The following SEMA3E variants were observed in gnomAD, a reference collection of about 807,000 sequenced individuals.
SEMA3E encodes semaphorin 3E, also known as semaphorin-3E.
In SEMA3E, 49 loss-of-function variants were observed where a neutral mutation model predicts 93.6. The observed-to-expected ratio is 0.52, with a 90% confidence interval of 0.42 to 0.66. SEMA3E has a LOEUF of 0.66. SEMA3E is among the 30% of genes least tolerant of loss of function. The pLI is 0.00. For missense variants in SEMA3E, 906 were observed against 964.8 expected, an observed-to-expected ratio of 0.94 and a Z score of 0.81; for synonymous variants, 363 against 330.7, an observed-to-expected ratio of 1.10 and a Z score of -1.06.
At chr7:83,534,088 G>A (rs1791361016) in intron 1 of SEMA3E, among the ~76,000 whole-genome samples, 1 of 152,148 alleles carries the variant, frequency 6.6e-6, no homozygotes, top group African/African-American at 2.4e-5. Flanking sequence ...AAACTTTTTA[G>A]ACCATGCCCA....
intron 1 of SEMA3E, among the ~76,000 whole-genome samples, chr7:83,542,284 C>G (rs1055846614): frequency 2.6e-5 from 4 of 151,832 alleles, no homozygotes; most frequent in Non-Finnish European, 5.9e-5. Context: ...CACTGGAGCT[C>G]AAGAATTTGA....
rs181003466 is a variant in SEMA3E at position 83,625,203 on chromosome 7, T to A, written c.115+23225A>T. Among the ~76,000 whole-genome samples, 627 of 152,336 alleles carry A rather than the reference T, an allele frequency of 4.1e-3. 6 individuals are homozygous for A. Among genetic ancestry groups the A allele is most frequent in the African/African-American group, 0.015 (604 of 41,572 alleles). On this transcript the variant is annotated intron_variant, in intron 1 of 16. Transcript: ENST00000643230. The stretch of plus-strand genomic sequence containing the variant: ...TTTTTGCTTAGGATTGTCTTGGCTA[T>A]ATGGGCTCTTTTTGGTTCCATAACA...
chr7:83,508,579 A>G (rs1263324773), intron 1 of SEMA3E, among the ~76,000 whole-genome samples: 2 of 152,152 alleles, frequency 1.3e-5, no homozygotes, highest in African/African-American at 4.8e-5. Flanking sequence ...TTATTTTTCA[A>G]AGGCAAAATT....
At chr7:83,403,502 A>T (rs1252596343) in intron 9 of SEMA3E, among the ~76,000 whole-genome samples, 2 of 152,018 alleles carry the variant, frequency 1.3e-5, no homozygotes, top group African/African-American at 4.8e-5. Flanking sequence ...TTTATTGAAG[A>T]TATTTGTAAT....
intron 1 of SEMA3E, among the ~76,000 whole-genome samples, chr7:83,642,844 T>C (rs1336270926): frequency 6.6e-6 from 1 of 152,094 alleles, no homozygotes; most frequent in Non-Finnish European, 1.5e-5. Context: ...AGTTTTGTTT[T>C]TAACTCTCAG....
chr7:83,418,138 A>C (rs1365466826), intron 5 of SEMA3E, among the ~76,000 whole-genome samples: 1 of 152,218 alleles, frequency 6.6e-6, no homozygotes. Context: ...GACACCAAAT[A>C]CATGAGATAT....
At chr7:83,450,734 T>C (rs1789342333) in intron 4 of SEMA3E, among the ~76,000 whole-genome samples, 1 of 152,194 alleles carries the variant, frequency 6.6e-6, no homozygotes, top group African/African-American at 2.4e-5. Context: ...CTTTTCTTTA[T>C]TCATTTTATA....
intron 1 of SEMA3E, among the ~76,000 whole-genome samples, chr7:83,523,906 A>C (rs192862533): frequency 5.9e-5 from 9 of 152,244 alleles, no homozygotes; most frequent in Admixed American, 5.2e-4. Flanking sequence ...GCCTGGTAAC[A>C]GATATTTTTA....
At chr7:83,389,921 A>T (rs55922924) in intron 14 of SEMA3E, among the ~76,000 whole-genome samples, 1 of 126,278 alleles carries the variant, frequency 7.9e-6, no homozygotes, top group African/African-American at 3.0e-5. Flanking sequence ...ATACACGTAT[A>T]TATTACATGT....
intron 1 of SEMA3E, among the ~76,000 whole-genome samples, chr7:83,568,342 T>C (rs1792206727): frequency 6.6e-6 from 1 of 151,998 alleles, no homozygotes; most frequent in Non-Finnish European, 1.5e-5. Context: ...TCTGAAACAT[T>C]GAAGAGGAAG....
At chr7:83,509,737 T>C (rs1304276992) in intron 1 of SEMA3E, among the ~76,000 whole-genome samples, 1 of 152,218 alleles carries the variant, frequency 6.6e-6, no homozygotes, top group Non-Finnish European at 1.5e-5. Context: ...GAGTATGGCC[T>C]ATTTGATCTG....
At chr7:83,562,231 A>G (rs1218473330) in intron 1 of SEMA3E, among the ~76,000 whole-genome samples, 1 of 152,156 alleles carries the variant, frequency 6.6e-6, no homozygotes, top group African/African-American at 2.4e-5. Flanking sequence ...TTTTGGTTAC[A>G]GAGATACTTT....
At chr7:83,603,903 G>A (rs1054996275) in intron 1 of SEMA3E, among the ~76,000 whole-genome samples, 9 of 152,084 alleles carry the variant, frequency 5.9e-5, no homozygotes, top group Non-Finnish European at 4.4e-5. Flanking sequence ...TTACATGCGT[G>A]AGTGTTTTTT....
chr7:83,598,704 C>T (rs2115972722), intron 1 of SEMA3E, among the ~76,000 whole-genome samples: 1 of 152,294 alleles, frequency 6.6e-6, no homozygotes, highest in African/African-American at 2.4e-5. Flanking sequence ...ACCAAACGTT[C>T]ATAGTCAATT....
rs1367877741 is a variant in SEMA3E at position 83,386,977 on chromosome 7, G to A, written c.1735+6C>T. 1.9e-6 allele frequency: 3 copies of A among 1,612,006 alleles called. No homozygotes were observed. The African/African-American group carries it at 4.0e-5, about 22-fold the overall frequency. ...AACCCAGAACAACTGATTTTCTATG[G>A]ATTACCAACAAACTGTTGTCCAAAG... On this transcript the variant is annotated splice_donor_region_variant and intron_variant, in intron 15 of 16. Coordinates refer to ENST00000643230, the MANE Select transcript of SEMA3E (RefSeq NM_012431.3).
intron 1 of SEMA3E, among the ~76,000 whole-genome samples, chr7:83,581,240 C>T (rs115354644): frequency 0.012 from 1,830 of 152,086 alleles, 39 homozygotes; most frequent in African/African-American, 0.042. Flanking sequence ...TTACCAAATA[C>T]CTGCCCTTTG....
At chr7:83,617,446 A>ATTTTATATAAATAATATATAC (rs1793394480) in intron 1 of SEMA3E, among the ~76,000 whole-genome samples, 1 of 128,408 alleles carries the variant, frequency 7.8e-6, no homozygotes, top group Admixed American at 8.2e-5. Flanking sequence ...TTTTATATAA[A>ATTTTATATAAATAATATATAC]TTTTATATAA....
At chr7:83,370,247 T>C (rs185493376) in intron 16 of SEMA3E, among the ~76,000 whole-genome samples, 1 of 152,248 alleles carries the variant, frequency 6.6e-6, no homozygotes, top group East Asian at 1.9e-4. Flanking sequence ...TGTTTTTAAT[T>C]AAAGAAACAT....
chr7:83,381,368 A>G (rs1355077960), intron 16 of SEMA3E, among the ~76,000 whole-genome samples: 2 of 151,992 alleles, frequency 1.3e-5, no homozygotes. Context: ...GAGTCTTAGC[A>G]TCTGCTGTTC....
Sources: gnomAD v4.1 joint callset for allele counts (sites outside exome capture counted in the v4.1 genomes callset) on GRCh38, gnomAD v4.1.1 for gene constraint, MANE v1.5 for transcripts, NCBI Gene and HGNC (gene_info 2026-07-23, HGNC 2026-07-21) for gene names.